Variants in TBC1D8B observed in about 807,000 individuals in gnomAD.
TBC1D8B encodes the protein TBC1 domain family member 8B.
Under a neutral mutation model 82.9 loss-of-function variants are expected in TBC1D8B, and 75 were observed. The ratio of observed to expected loss-of-function variants is 0.90; its 90% CI spans 0.75 to 1.10. TBC1D8B has a LOEUF of 1.10. Among genes scored for constraint, TBC1D8B ranks in the 50% least tolerant of loss-of-function variants. TBC1D8B has a pLI of 0.00. For synonymous variants in TBC1D8B, 276 were observed against 276.8 expected (o/e 1.00, Z 0.03); for missense variants, 794 against 796.9 (o/e 1.00, Z 0.04).
intron 1 of TBC1D8B, chrX:106,814,476 T>G (rs1203619166): frequency 8.4e-5 from 9 of 107,101 alleles, no homozygotes; most frequent in Non-Finnish European, 1.7e-4. Flanking sequence ...TCCAAGTCTT[T>G]GCTATTGTGA....
chrX:106,839,448 T>C lies in TBC1D8B; in HGVS notation c.1344T>C (p.Asn448=). 1 of 1,150,837 alleles carries C rather than the reference T, an allele frequency of 8.7e-7. No individual in the cohort carries two copies. Among genetic ancestry groups the C allele is most frequent in the Non-Finnish European group, 1.2e-6 (1 of 865,464 alleles). 94.8% of individuals were successfully genotyped at this position (1,150,837 alleles called of 1,213,427 possible). ...ACCCTCAGAATTTGGAGACTCTTAA[T>C]TCTAAAATGGTAGGAAAACAAAATA... ...VFHPQNLETL[N]SKMLKEKMKE... The change falls in exon 8 of 21, where the codon AAT becomes AAC. Residue 448 remains asparagine (N), a synonymous_variant. Coordinates refer to ENST00000357242, the MANE Select transcript of TBC1D8B (RefSeq NM_017752.3).
At chrX:106,854,348 A>G (rs1932653729) in intron 14 of TBC1D8B, 52 bp downstream of exon 14, 17 of 830,202 alleles carry the variant, frequency 2.0e-5, no homozygotes, top group Non-Finnish European at 2.8e-5. Context: ...TTTTTTTTCT[A>G]TAACTTTCTT....
intron 14 of TBC1D8B, among the ~76,000 whole-genome samples, chrX:106,855,376 C>G (rs934801801): frequency 8.9e-6 from 1 of 112,308 alleles, no homozygotes; most frequent in Admixed American, 9.4e-5. Context: ...TTCCCCACCC[C>G]AGAAGTAACC....
At chrX:106,821,941 G>C in intron 3 of TBC1D8B, 36 bp from the exon 4 acceptor site, 1 of 1,096,950 alleles carries the variant, frequency 9.1e-7, no homozygotes, top group Non-Finnish European at 1.3e-6. Flanking sequence ...TTGTTGGTAG[G>C]TGATGAATTT....
At position 106,850,060 on chromosome X, in the gene TBC1D8B, A is replaced by G; in HGVS notation, c.1873A>G (p.Ile625Val). The G allele has an allele frequency of 8.3e-7, 1 of 1,209,069 alleles. No individual in the cohort carries two copies. The highest frequency in any genetic ancestry group is 1.1e-6 in the Non-Finnish European group (1 of 894,340). ...GGATCAGGCAGTCTTTGAAGAACTTATCAGGGATCACCTTCCTCAGCTGAC... is the reference window on the plus strand; with the variant it reads ...GGATCAGGCAGTCTTTGAAGAACTTGTCAGGGATCACCTTCCTCAGCTGAC... Reference protein sequence around the residue: ...LVDQAVFEELIRDHLPQLTEH... With the variant: ...LVDQAVFEELVRDHLPQLTEH... The change falls in exon 12 of 21, where the codon ATC becomes GTC. Residue 625 changes from isoleucine (I) to valine (V), a missense_variant. By Grantham distance (29) the Ile-to-Val change is conservative. Transcript: ENST00000357242.
intron 1 of TBC1D8B, among the ~76,000 whole-genome samples, chrX:106,818,163 T>G (rs1358507362): frequency 9.0e-6 from 1 of 111,364 alleles, no homozygotes; most frequent in South Asian, 3.7e-4. Flanking sequence ...TACTGTGTGC[T>G]AAGCATTGCT....
rs368350543 is a variant in TBC1D8B, at chrX:106,858,052, T to C, written c.2352+3756T>C. Among the ~76,000 whole-genome samples, 170 of 112,346 alleles carry C rather than the reference T, an allele frequency of 1.5e-3. 1 individual carries two copies. Among genetic ancestry groups the C allele is most frequent in the African/African-American group, 5.1e-3 (159 of 30,966 alleles). On this transcript the variant is annotated intron_variant, in intron 14 of 20. Coordinates refer to ENST00000357242, the MANE Select transcript of TBC1D8B (RefSeq NM_017752.3). The stretch of plus-strand genomic sequence containing the variant: ...CACCAGCAGTGTATTAGCATTCCCT[T>C]TACTCCACAACCTCACCAGCATCTT...
intron 1 of TBC1D8B, among the ~76,000 whole-genome samples, chrX:106,816,870 A>G (rs772633985): frequency 9.0e-6 from 1 of 110,771 alleles, no homozygotes; most frequent in African/African-American, 3.3e-5. Flanking sequence ...CTACTCTTCT[A>G]GTTTACCTCC....
intron 14 of TBC1D8B, among the ~76,000 whole-genome samples, chrX:106,861,421 A>G (rs1452207646): frequency 8.9e-6 from 1 of 112,051 alleles, no homozygotes; most frequent in Non-Finnish European, 1.9e-5. Context: ...TTGACTGCAT[A>G]TATATTTAAG....
intron 14 of TBC1D8B, among the ~76,000 whole-genome samples, chrX:106,861,108 G>GT (rs1932769955): frequency 8.9e-6 from 1 of 111,741 alleles, no homozygotes; most frequent in Non-Finnish European, 1.9e-5. Context: ...ATGATTTTGG[G>GT]TTTTTTGAAT....
intron 1 of TBC1D8B, among the ~76,000 whole-genome samples, chrX:106,803,190 A>G (rs958997098): frequency 9.0e-6 from 1 of 111,649 alleles, no homozygotes; most frequent in African/African-American, 3.3e-5. Flanking sequence ...TTTGGTTGGG[A>G]CAGGTGAAGG....
chrX:106,841,195 T>G (rs1189165987), intron 10 of TBC1D8B, among the ~76,000 whole-genome samples: 1 of 111,902 alleles, frequency 8.9e-6, no homozygotes, highest in African/African-American at 3.2e-5. Context: ...CAGGAGACAT[T>G]AAAGCATATT....
intron 7 of TBC1D8B, among the ~76,000 whole-genome samples, chrX:106,833,611 A>G (rs1318979254): frequency 1.8e-5 from 2 of 111,730 alleles, no homozygotes. Flanking sequence ...ATTTTTTTAA[A>G]TTTTCTAACC....
intron 10 of TBC1D8B, among the ~76,000 whole-genome samples, chrX:106,846,759 A>T (rs1932463832): frequency 8.9e-6 from 1 of 111,883 alleles, no homozygotes; most frequent in Admixed American, 9.5e-5. Flanking sequence ...GGCATAGTTA[A>T]TATACAAATC....
intron 2 of TBC1D8B, among the ~76,000 whole-genome samples, chrX:106,820,514 C>T (rs1490904608): frequency 2.7e-5 from 3 of 111,481 alleles, no homozygotes; most frequent in Middle Eastern, 4.6e-3. Context: ...TATTTGGAGA[C>T]CAAGGATTGA....
chrX:106,864,654 G>A (rs1405479394), intron 14 of TBC1D8B, among the ~76,000 whole-genome samples: 2 of 108,638 alleles, frequency 1.8e-5, no homozygotes, highest in Non-Finnish European at 3.8e-5. Flanking sequence ...GAGTAGCTGC[G>A]ATTATAGGCA....
At chrX:106,838,245 C>T (rs1252025716) in intron 7 of TBC1D8B, among the ~76,000 whole-genome samples, 1 of 111,026 alleles carries the variant, frequency 9.0e-6, no homozygotes. Flanking sequence ...AAGTGGGCCC[C>T]CTCAAGACAC....
In TBC1D8B at chrX:106,865,627, G is replaced by A. The variant is rs1031454607; in HGVS notation, c.2421G>A (p.Lys807=). Residue 807 remains lysine, a splice_region_variant and synonymous_variant, in exon 15 of 21, where the codon AAG becomes AAA. Coordinates refer to ENST00000357242, the MANE Select transcript of TBC1D8B (RefSeq NM_017752.3). ...TGGATGAACTTTATGTCATCTTTAA[G>A]GTACTGTTGTTCTTCTTTAAATGAA... ...QELDELYVIF[K]KELFLSCYWC... 8.5e-7 allele frequency: 1 copy of A among 1,179,404 alleles called. No homozygotes were observed. Among genetic ancestry groups the A allele is most frequent in the African/African-American group, 1.8e-5 (1 of 56,544 alleles).
chrX:106,810,292 G>A, intron 1 of TBC1D8B, among the ~76,000 whole-genome samples: 1 of 111,599 alleles, frequency 9.0e-6, no homozygotes, highest in East Asian at 2.8e-4. Context: ...AGAAGTGGTG[G>A]GAGGAGGGGG....
Sources: gnomAD v4.1 joint callset for allele counts (sites outside exome capture counted in the v4.1 genomes callset) on GRCh38, gnomAD v4.1.1 for gene constraint, MANE v1.5 for transcripts, NCBI Gene and HGNC (gene_info 2026-07-23, HGNC 2026-07-21) for gene names.